PHYKPL: variants seen among roughly 807,000 people sequenced by gnomAD.
The protein encoded by PHYKPL is 5-phosphohydroxy-L-lysine phospho-lyase, also known as 5-phosphonooxy-L-lysine phospho-lyase.
A neutral mutation model predicts 51.3 loss-of-function variants in PHYKPL; 42 were observed. That is an observed-to-expected ratio of 0.82 (90% CI 0.64 to 1.06). The LOEUF (loss-of-function observed/expected upper bound fraction) is 1.06, where lower values mean the gene tolerates loss of function less well. PHYKPL is among the 50% of genes least tolerant of loss of function. The pLI, the probability that PHYKPL is intolerant of heterozygous loss-of-function variation, is 0.00. For missense variants in PHYKPL, 655 were observed against 586.6 expected (o/e 1.12, Z -1.20); for synonymous variants, 264 against 236.0 (o/e 1.12, Z -1.09).
downstream of PHYKPL, chr5:178,207,345 C>T (rs1417741934): frequency 8.3e-7 from 1 of 1,203,990 alleles, no homozygotes; most frequent in Non-Finnish European, 1.2e-6. Context: ...TTTACTATTT[C>T]TCTGAAGCGT....
chr5:178,225,493 G>T, intron 3 of PHYKPL, 64 bp from the exon 4 acceptor site: 1 of 1,509,548 alleles, frequency 6.6e-7, no homozygotes. Context: ...GAGAAATGCT[G>T]AGGGCAGGAG....
At chr5:178,210,436 G>C in intron 12 of PHYKPL, 1 of 1,510,144 alleles carries the variant, frequency 6.6e-7, no homozygotes, top group Non-Finnish European at 9.1e-7. Flanking sequence ...TTAATAACAT[G>C]AGGAAGGCAG....
Position 178,222,420 on chromosome 5 carries a change from A to G in PHYKPL, c.862T>C (p.Cys288Arg). ...KSIGNGHPVA[C>R]VAATQPVARA... ...GCCACAGGCTGGGTTGCGGCCACGCAGGCAACAGGGTGGCCGTTGCCAATG... is the reference window on the plus strand; with the variant it reads ...GCCACAGGCTGGGTTGCGGCCACGCGGGCAACAGGGTGGCCGTTGCCAATG... The change falls in exon 8 of 13, where the codon TGC (cysteine) becomes CGC (arginine). Residue 288 changes from cysteine to arginine, a missense_variant. Cys to Arg is a radical substitution (Grantham distance 180). Coordinates refer to ENST00000308158, the MANE Select transcript of PHYKPL (RefSeq NM_153373.4). 6.2e-7 allele frequency: 1 copy of G among 1,614,234 alleles called. No homozygotes were observed. Among genetic ancestry groups the G allele is most frequent in the Non-Finnish European group, 8.5e-7 (1 of 1,180,034 alleles).
At chr5:178,221,136 G>A (rs187191172) in intron 8 of PHYKPL, among the ~76,000 whole-genome samples, 140 of 152,312 alleles carry the variant, frequency 9.2e-4, no homozygotes, top group Non-Finnish European at 1.5e-3. Flanking sequence ...CTAGAAGAGG[G>A]CTATGCACAG....
intron 1 of PHYKPL, 108 bp from the exon 2 acceptor site, chr5:178,231,631 G>A (rs559847607): frequency 7.5e-5 from 119 of 1,580,446 alleles, no homozygotes; most frequent in South Asian, 1.5e-4. Flanking sequence ...TGGCGGGGGG[G>A]AAATGAGAGC....
chr5:178,232,588 G>A lies in PHYKPL; in HGVS notation c.-38C>T. The A allele has an allele frequency of 8.0e-7, 1 of 1,249,696 alleles. No homozygotes were observed. Among genetic ancestry groups the A allele is most frequent in the Non-Finnish European group, 1.0e-6 (1 of 998,560 alleles). 77.4% of individuals were successfully genotyped at this position (1,249,696 alleles called of 1,614,324 possible). ...TCAGTCGGTGCCGTGACGCCACGCG[G>A]AGACGTCGCCGCGCGGGCTGGGCCT... On this transcript the variant is annotated 5_prime_UTR_variant, in exon 1 of 13. Transcript: ENST00000308158.
intron 8 of PHYKPL, 148 bp from the exon 9 acceptor site, chr5:178,215,578 C>T (rs1167440153): frequency 1.2e-5 from 11 of 938,802 alleles, no homozygotes; most frequent in Non-Finnish European, 1.7e-5. Flanking sequence ...CAGTCCTCAG[C>T]AGTAGTAAGT....
chr5:178,217,886 T>C (rs1356654479), intron 8 of PHYKPL, among the ~76,000 whole-genome samples: 1 of 135,628 alleles, frequency 7.4e-6, no homozygotes, highest in Non-Finnish European at 1.6e-5. Flanking sequence ...TCAATTGAGA[T>C]TGTCCAGTCT....
chr5:178,222,247 G>T, intron 8 of PHYKPL, 108 bp downstream of exon 8: 1 of 953,824 alleles, frequency 1.0e-6, no homozygotes, highest in Non-Finnish European at 1.6e-6. Flanking sequence ...TTGGAAGCGT[G>T]TGCTGGGCAC....
chr5:178,217,232 T>C (rs1295167564), intron 8 of PHYKPL, among the ~76,000 whole-genome samples: 2 of 151,720 alleles, frequency 1.3e-5, no homozygotes, highest in Non-Finnish European at 2.9e-5. Flanking sequence ...ACAGATTTTT[T>C]TTTTTTTTTT....
At chr5:178,210,378 G>T in intron 12 of PHYKPL, 2 of 1,586,288 alleles carry the variant, frequency 1.3e-6, no homozygotes, top group Admixed American at 1.8e-5. Context: ...AGACAGGCCT[G>T]GCTCAGCCAT....
chr5:178,224,615 C>T, intron 5 of PHYKPL, 27 bp downstream of exon 5: 1 of 1,614,208 alleles, frequency 6.2e-7, no homozygotes, highest in East Asian at 2.2e-5. Flanking sequence ...CAGGCACCGA[C>T]CTGTTGTTGA....
rs188173752 is a variant in PHYKPL, at chr5:178,232,472, C to A, written c.59+20G>T. 1.2e-3 allele frequency: 1,583 copies of A among 1,350,650 alleles called. 22 individuals carry two copies. In the African/African-American group the frequency reaches 0.021, roughly 18 times the overall value. 83.7% of individuals were successfully genotyped at this position (1,350,650 alleles called of 1,614,324 possible). A position where few individuals can be genotyped will look rare whatever the true frequency, so the allele number is the denominator to read the frequency against. On this transcript the variant is annotated intron_variant, in intron 1 of 12. Coordinates refer to ENST00000308158, the MANE Select transcript of PHYKPL (RefSeq NM_153373.4). ...CCGCGCAGCCCCGCGCCCCCCGCCG[C>A]CCGCCCCCCGCCCGGGTACCTGATG... is the stretch of plus-strand genomic sequence containing the variant.
intron 3 of PHYKPL, among the ~76,000 whole-genome samples, chr5:178,228,818 CAG>C (rs1251584972): frequency 6.6e-6 from 1 of 152,246 alleles, no homozygotes; most frequent in African/African-American, 2.4e-5. Flanking sequence ...TGGCACCTAA[CAG>C]TGTCCACTCT....
intron 7 of PHYKPL, 36 bp downstream of exon 7, chr5:178,222,816 T>A: frequency 6.2e-7 from 1 of 1,608,780 alleles, no homozygotes; most frequent in Non-Finnish European, 8.5e-7. Context: ...ATTAGACCCC[T>A]GCCCTCCCTA....
chr5:178,231,899 G>A lies in PHYKPL; in HGVS notation c.60-376C>T, dbSNP rs1015305702. On this transcript the variant is annotated intron_variant, in intron 1 of 12. Transcript: ENST00000308158. ...GGGATGGGCCAGGGCACCAACATTA[G>A]GTGCCTGGCTCTCAGCCCTAAACAG... 7 of 1,307,176 alleles carry A rather than the reference G, an allele frequency of 5.4e-6. No individual in the cohort carries two copies. The African/African-American group carries it at 9.1e-5, about 17-fold the overall frequency. 81.0% of individuals were successfully genotyped at this position (1,307,176 alleles called of 1,614,324 possible). A position where few individuals can be genotyped will look rare whatever the true frequency, so the allele number is the denominator to read the frequency against.
At chr5:178,231,560 A>T (rs776601577) in intron 1 of PHYKPL, 37 bp from the exon 2 acceptor site, 1 of 1,613,772 alleles carries the variant, frequency 6.2e-7, no homozygotes, top group Non-Finnish European at 8.5e-7. Context: ...GCCATGTCTG[A>T]AGACCGAAAG....
intron 6 of PHYKPL, 158 bp downstream of exon 6, chr5:178,224,289 CA>C: frequency 1.2e-6 from 1 of 800,188 alleles, no homozygotes. Flanking sequence ...GCCGTGCACT[CA>C]GACTCTCTGC....
chr5:178,211,484 C>G (rs1334463916), intron 12 of PHYKPL: 1 of 181,026 alleles, frequency 5.5e-6, no homozygotes, highest in Non-Finnish European at 1.2e-5. Flanking sequence ...ATTCTTTACA[C>G]ACTAGGGCAG....
Sources: allele counts gnomAD v4.1 joint callset (sites outside exome capture counted in the v4.1 genomes callset), GRCh38; gene constraint gnomAD v4.1.1; transcripts MANE v1.5; gene names NCBI Gene and HGNC (gene_info 2026-07-23, HGNC 2026-07-21).